CLVS1: variants seen among roughly 807,000 people sequenced by gnomAD.
CLVS1 encodes clavesin 1, also known as clavesin-1.
CLVS1 carries 10 observed loss-of-function variants against 33.1 expected under a neutral mutation model. The ratio of observed to expected loss-of-function variants is 0.30; its 90% CI spans 0.19 to 0.51. CLVS1 has a LOEUF of 0.51. Among genes scored for constraint, CLVS1 ranks in the 20% least tolerant of loss-of-function variants. The pLI is 0.97. For synonymous variants in CLVS1, 163 were observed against 166.1 expected (o/e 0.98, Z 0.14); for missense variants, 343 against 433.4 (o/e 0.79, Z 1.85).
At chr8:61,444,315 G>C (rs1294167482) in intron 3 of CLVS1, among the ~76,000 whole-genome samples, 1 of 151,974 alleles carries the variant, frequency 6.6e-6, no homozygotes, top group African/African-American at 2.4e-5. Flanking sequence ...CTGTTGTTGG[G>C]GAAAAACATT....
chr8:61,120,754 G>A (rs1382709022), intron 1 of CLVS1, among the ~76,000 whole-genome samples: 5 of 143,740 alleles, frequency 3.5e-5, no homozygotes, highest in Admixed American at 6.7e-5. Context: ...CTGCGTGCTG[G>A]GAGAACCACT....
At chr8:61,141,289 T>C (rs1224432155) in intron 2 of CLVS1, among the ~76,000 whole-genome samples, 1 of 152,164 alleles carries the variant, frequency 6.6e-6, no homozygotes, top group Non-Finnish European at 1.5e-5. Flanking sequence ...AAAATAAACA[T>C]TGAGACAAAT....
At chr8:61,352,056 A>G (rs892339033) in intron 2 of CLVS1, among the ~76,000 whole-genome samples, 1 of 152,100 alleles carries the variant, frequency 6.6e-6, no homozygotes, top group East Asian at 1.9e-4. Flanking sequence ...CATGAGTTTT[A>G]TAAATCATAT....
chr8:61,031,468 A>G, the CLVS1 span, among the ~76,000 whole-genome samples: 1 of 152,184 alleles, frequency 6.6e-6, no homozygotes, highest in African/African-American at 2.4e-5. Context: ...CCAGAGCAAA[A>G]TGCTAAAAGG....
intron 2 of CLVS1, among the ~76,000 whole-genome samples, chr8:61,359,225 C>T (rs1812871094): frequency 6.6e-6 from 1 of 152,188 alleles, no homozygotes; most frequent in African/African-American, 2.4e-5. Flanking sequence ...GGATTATGTC[C>T]ACCACGTATG....
At chr8:61,469,863 C>T (rs1817677181) in intron 5 of CLVS1, among the ~76,000 whole-genome samples, 1 of 152,256 alleles carries the variant, frequency 6.6e-6, no homozygotes, top group South Asian at 2.1e-4. Context: ...CTCCACTGTC[C>T]TCTAAATTGC....
At chr8:61,316,678 A>G (rs981815875) in intron 2 of CLVS1, among the ~76,000 whole-genome samples, 2 of 152,228 alleles carry the variant, frequency 1.3e-5, no homozygotes, top group Non-Finnish European at 2.9e-5. Flanking sequence ...CTGAGAATTA[A>G]GATATATTTT....
At chr8:61,245,862 G>A (rs1232115733) in intron 2 of CLVS1, among the ~76,000 whole-genome samples, 2 of 151,838 alleles carry the variant, frequency 1.3e-5, no homozygotes, top group African/African-American at 4.8e-5. Context: ...TTGACCTGCT[G>A]GGCTCAAGGG....
At chr8:61,131,039 GT>G (rs1417601046) in intron 1 of CLVS1, among the ~76,000 whole-genome samples, 1 of 152,140 alleles carries the variant, frequency 6.6e-6, no homozygotes, top group African/African-American at 2.4e-5. Context: ...ATTTTTCTAT[GT>G]GCTCATCTGC....
At chr8:61,347,140 A>G (rs187568014) in intron 2 of CLVS1, among the ~76,000 whole-genome samples, 4 of 152,296 alleles carry the variant, frequency 2.6e-5, no homozygotes, top group Non-Finnish European at 5.9e-5. Context: ...AGGCACAGAC[A>G]TGCTGAGCCT....
intron 2 of CLVS1, among the ~76,000 whole-genome samples, chr8:61,192,617 TCATCTGA>T (rs936707767): frequency 6.6e-6 from 1 of 152,032 alleles, no homozygotes; most frequent in African/African-American, 2.4e-5. Flanking sequence ...TGCAATCTGC[TCATCTGA>T]CAAAGGGCTA....
chr8:60,980,192 A>G, the CLVS1 span, among the ~76,000 whole-genome samples: 116 of 152,338 alleles, frequency 7.6e-4, 1 homozygote, highest in African/African-American at 2.6e-3. Flanking sequence ...CTAGAGGCAA[A>G]CAAACAGTCC....
chr8:61,024,819 C>G, the CLVS1 span, among the ~76,000 whole-genome samples: 1 of 151,858 alleles, frequency 6.6e-6, no homozygotes, highest in Admixed American at 6.6e-5. Context: ...GTTGTTAATG[C>G]ATTTTTCTTT....
chr8:61,089,045 G>C (rs996738405), intron 1 of CLVS1, among the ~76,000 whole-genome samples: 1 of 152,024 alleles, frequency 6.6e-6, no homozygotes. Flanking sequence ...CTCGTGATCT[G>C]CCCGCCTCGT....
intron 1 of CLVS1, among the ~76,000 whole-genome samples, chr8:61,069,481 T>G (rs1169621016): frequency 6.6e-6 from 1 of 152,176 alleles, no homozygotes; most frequent in East Asian, 1.9e-4. Flanking sequence ...TACTTGAGTA[T>G]TTATCAGCAG....
chr8:61,070,341 C>CT (rs1458962822), intron 1 of CLVS1, among the ~76,000 whole-genome samples: 2 of 152,226 alleles, frequency 1.3e-5, no homozygotes, highest in African/African-American at 4.8e-5. Flanking sequence ...GCTTGCTGGG[C>CT]TACAGTCATG....
chr8:61,182,938 C>T (rs1807268715), intron 2 of CLVS1, among the ~76,000 whole-genome samples: 1 of 152,200 alleles, frequency 6.6e-6, no homozygotes, highest in African/African-American at 2.4e-5. Context: ...AAATGTGGTA[C>T]ATATACACCA....
At chr8:61,242,824 T>G (rs989804824) in intron 2 of CLVS1, among the ~76,000 whole-genome samples, 1 of 151,976 alleles carries the variant, frequency 6.6e-6, no homozygotes, top group African/African-American at 2.4e-5. Context: ...TAAAACAAAA[T>G]AAAATGTATT....
chr8:61,253,827 C>CT (rs993787774), intron 2 of CLVS1, among the ~76,000 whole-genome samples: 3 of 152,062 alleles, frequency 2.0e-5, no homozygotes, highest in Non-Finnish European at 2.9e-5. Flanking sequence ...TTTGTCTTAT[C>CT]TTTTTTCAAG....
Sources: gnomAD v4.1 joint callset for allele counts (sites outside exome capture counted in the v4.1 genomes callset) on GRCh38, gnomAD v4.1.1 for gene constraint, MANE v1.5 for transcripts, NCBI Gene and HGNC (gene_info 2026-07-23, HGNC 2026-07-21) for gene names.